The following GABRA3 variants were observed in gnomAD, a reference collection of about 807,000 sequenced individuals.
The protein encoded by GABRA3 is gamma-aminobutyric acid type A receptor subunit alpha3, also known as gamma-aminobutyric acid receptor subunit alpha-3.
In GABRA3, 10 loss-of-function variants were observed where a neutral mutation model predicts 30.1. The ratio of observed to expected loss-of-function variants is 0.33; its 90% CI spans 0.20 to 0.56. GABRA3 has a LOEUF of 0.56. GABRA3 is among the 20% of genes least tolerant of loss of function. The pLI is 0.89. For synonymous variants in GABRA3, 151 were observed against 146.8 expected (o/e 1.03, Z -0.21); for missense variants, 233 against 392.0 (o/e 0.59, Z 3.42).
intron 1 of GABRA3, among the ~76,000 whole-genome samples, chrX:152,365,477 A>C (rs1440088684): frequency 9.0e-6 from 1 of 111,313 alleles, no homozygotes; most frequent in African/African-American, 3.3e-5. Flanking sequence ...AGATTTACCC[A>C]AGACATGGGG....
intron 1 of GABRA3, among the ~76,000 whole-genome samples, chrX:152,395,554 T>C (rs1176728381): frequency 9.0e-6 from 1 of 111,648 alleles, no homozygotes; most frequent in Non-Finnish European, 1.9e-5. Context: ...AAGGATAAGA[T>C]GACAGTGGTG....
chrX:152,218,025 C>CT (rs1937761453), intron 6 of GABRA3, among the ~76,000 whole-genome samples: 1 of 105,623 alleles, frequency 9.5e-6, no homozygotes, highest in Non-Finnish European at 2.0e-5. Flanking sequence ...GTTTGGTCTT[C>CT]TTTTTCTAGT....
At chrX:152,303,583 C>A (rs979931414) in intron 3 of GABRA3, among the ~76,000 whole-genome samples, 4 of 111,858 alleles carry the variant, frequency 3.6e-5, no homozygotes, top group South Asian at 3.7e-4. Flanking sequence ...CAATGATAGA[C>A]TGGATAAAGA....
At chrX:152,288,792 T>C (rs765623113) in intron 3 of GABRA3, among the ~76,000 whole-genome samples, 5 of 112,435 alleles carry the variant, frequency 4.4e-5, no homozygotes, top group East Asian at 2.8e-4. Context: ...TTTTAATTAG[T>C]AGAAGATAAG....
At chrX:152,331,474 G>A (rs1207255142) in intron 3 of GABRA3, among the ~76,000 whole-genome samples, 4 of 111,602 alleles carry the variant, frequency 3.6e-5, no homozygotes, top group African/African-American at 6.5e-5. Flanking sequence ...TCAACTGGAA[G>A]TGTTCTGCGA....
At chrX:152,368,791 T>C (rs573386254) in intron 1 of GABRA3, among the ~76,000 whole-genome samples, 83 of 99,368 alleles carry the variant, frequency 8.4e-4, no homozygotes, top group African/African-American at 2.3e-3. Flanking sequence ...CTGCAAGCTC[T>C]GCCTCCTGGG....
rs182748622 is a variant in GABRA3, at chrX:152,213,019, T to C, written c.635-4875A>G. Among the ~76,000 whole-genome samples, 11 of 111,252 alleles carry C rather than the reference T, an allele frequency of 9.9e-5. No homozygotes were observed. In the East Asian group the frequency reaches 2.9e-3, roughly 29 times the overall value. On this transcript the variant is annotated intron_variant, in intron 6 of 9. Transcript: ENST00000370314. ...GAAGAAAGGATATCTACCTGACAAT[T>C]AGAACTTTTGCACTCGCTGAATGGG...
At chrX:152,337,058 A>T (rs1940244994) in intron 3 of GABRA3, among the ~76,000 whole-genome samples, 1 of 98,285 alleles carries the variant, frequency 1.0e-5, no homozygotes, top group African/African-American at 4.4e-5. Flanking sequence ...ATCAAGATAA[A>T]ATATTTTTTT....
At chrX:152,293,759 G>A (rs1397356983) in intron 3 of GABRA3, among the ~76,000 whole-genome samples, 2 of 111,225 alleles carry the variant, frequency 1.8e-5, no homozygotes, top group Admixed American at 9.6e-5. Context: ...TGCAGTGGCT[G>A]GGACCAGTTG....
intron 9 of GABRA3, among the ~76,000 whole-genome samples, chrX:152,179,753 C>T (rs1937121660): frequency 9.0e-6 from 1 of 110,980 alleles, no homozygotes; most frequent in African/African-American, 3.3e-5. Flanking sequence ...TTCAGTCTCC[C>T]AAAGTGCTGG....
At chrX:152,308,066 T>C (rs1035105674) in intron 3 of GABRA3, among the ~76,000 whole-genome samples, 1 of 112,642 alleles carries the variant, frequency 8.9e-6, no homozygotes. Flanking sequence ...GCCTATAGGA[T>C]AAGGCCAGTC....
intron 4 of GABRA3, among the ~76,000 whole-genome samples, chrX:152,257,403 A>G (rs367821226): frequency 2.4e-4 from 27 of 112,357 alleles, no homozygotes; most frequent in African/African-American, 8.4e-4. Flanking sequence ...GGTTAAAAGA[A>G]ATGAAAGCCA....
At chrX:152,400,391 C>A (rs752283317) in intron 1 of GABRA3, among the ~76,000 whole-genome samples, 2 of 110,724 alleles carry the variant, frequency 1.8e-5, no homozygotes, top group Non-Finnish European at 3.8e-5. Flanking sequence ...TGCCTGTAGT[C>A]CCAGCTACTT....
At chrX:152,403,498 A>T (rs1000065475) in intron 1 of GABRA3, among the ~76,000 whole-genome samples, 1 of 110,706 alleles carries the variant, frequency 9.0e-6, no homozygotes, top group Admixed American at 9.6e-5. Context: ...CTCATCCACC[A>T]AGAAAATCTA....
At chrX:152,375,477 ACTTGCT>A (rs1415164124) in intron 1 of GABRA3, among the ~76,000 whole-genome samples, 1 of 111,836 alleles carries the variant, frequency 8.9e-6, no homozygotes, top group African/African-American at 3.3e-5. Context: ...CTTCTACTCC[ACTTGCT>A]CTTTGAAATT....
intron 5 of GABRA3, among the ~76,000 whole-genome samples, chrX:152,231,653 T>A (rs1938082942): frequency 9.0e-6 from 1 of 111,407 alleles, no homozygotes; most frequent in Non-Finnish European, 1.9e-5. Context: ...CTCTAATTCT[T>A]ACTTTAATTA....
intron 6 of GABRA3, among the ~76,000 whole-genome samples, chrX:152,211,199 G>A (rs1258700146): frequency 2.7e-5 from 3 of 110,284 alleles, no homozygotes; most frequent in African/African-American, 6.6e-5. Context: ...CAGGGAAAGA[G>A]TAAGCAATGG....
At chrX:152,206,144 T>C (rs1159569019) in intron 7 of GABRA3, among the ~76,000 whole-genome samples, 2 of 112,463 alleles carry the variant, frequency 1.8e-5, no homozygotes, top group East Asian at 2.8e-4. Context: ...AGTGAACAGA[T>C]ACAGGGACTT....
chrX:152,239,375 C>G (rs1211706663), intron 5 of GABRA3, among the ~76,000 whole-genome samples: 4 of 104,734 alleles, frequency 3.8e-5, no homozygotes, highest in African/African-American at 1.5e-4. Flanking sequence ...GTTATCATTT[C>G]TGTTCTTTTA....
Sources: gnomAD v4.1 joint callset for allele counts (sites outside exome capture counted in the v4.1 genomes callset) on GRCh38, gnomAD v4.1.1 for gene constraint, MANE v1.5 for transcripts, NCBI Gene and HGNC (gene_info 2026-07-23, HGNC 2026-07-21) for gene names.